GTF2A1L: variants seen among roughly 807,000 people sequenced by gnomAD.
GTF2A1L encodes the protein general transcription factor IIA subunit 1 like.
In GTF2A1L, 48 loss-of-function variants were observed where a neutral mutation model predicts 49.7. That is an observed-to-expected ratio of 0.97 (90% CI 0.77 to 1.23). GTF2A1L has a LOEUF of 1.23. GTF2A1L is among the 50% of genes most tolerant of loss of function. GTF2A1L has a pLI of 0.00. For synonymous variants in GTF2A1L, 246 were observed against 193.5 expected, an observed-to-expected ratio of 1.27 and a Z score of -2.25; for missense variants, 736 against 564.8, an observed-to-expected ratio of 1.30 and a Z score of -3.07.
intron 8 of GTF2A1L, among the ~76,000 whole-genome samples, chr2:48,678,359 A>G (rs1395917071): frequency 1.3e-5 from 2 of 151,942 alleles, no homozygotes; most frequent in South Asian, 4.1e-4. Context: ...TGGGAATAAA[A>G]CTCAGAAAAA....
intron 6 of GTF2A1L, among the ~76,000 whole-genome samples, chr2:48,660,643 T>TTTA (rs1678439144): frequency 6.6e-6 from 1 of 151,850 alleles, no homozygotes; most frequent in East Asian, 1.9e-4. Flanking sequence ...ATAATTTTAT[T>TTTA]TTATTATTAT....
intron 6 of GTF2A1L, among the ~76,000 whole-genome samples, chr2:48,651,389 CATT>C (rs1677837524): frequency 6.7e-6 from 1 of 149,844 alleles, no homozygotes; most frequent in Admixed American, 6.6e-5. Context: ...TGATTTTAAT[CATT>C]ATTTGTACAT....
At chr2:48,638,543 C>T (rs1036351732) in intron 3 of GTF2A1L, among the ~76,000 whole-genome samples, 22 of 152,114 alleles carry the variant, frequency 1.4e-4, no homozygotes, top group Non-Finnish European at 2.9e-4. Flanking sequence ...GTTAAAAACT[C>T]TCAAGAAACT....
chr2:48,663,403 T>G (rs1678632161), intron 6 of GTF2A1L, among the ~76,000 whole-genome samples: 1 of 152,136 alleles, frequency 6.6e-6, no homozygotes, highest in South Asian at 2.1e-4. Flanking sequence ...ACCACTGCAT[T>G]TAAGCCGGGG....
intron 3 of GTF2A1L, among the ~76,000 whole-genome samples, chr2:48,625,642 G>C (rs769618256): frequency 2.1e-5 from 3 of 142,600 alleles, no homozygotes; most frequent in African/African-American, 7.5e-5. Flanking sequence ...GAGTACAGTG[G>C]AGCAATCATA....
At chr2:48,660,799 C>T (rs975674418) in intron 6 of GTF2A1L, among the ~76,000 whole-genome samples, 22 of 152,036 alleles carry the variant, frequency 1.4e-4, no homozygotes, top group African/African-American at 5.3e-4. Flanking sequence ...CTCTACTATG[C>T]CCGGCTAATT....
intron 1 of GTF2A1L, among the ~76,000 whole-genome samples, chr2:48,620,026 G>A (rs1254784520): frequency 2.0e-5 from 3 of 152,186 alleles, no homozygotes; most frequent in Non-Finnish European, 4.4e-5. Flanking sequence ...TATTTTGGAA[G>A]TGAGATGAGC....
At chr2:48,678,765 T>G (rs1006775176) in intron 8 of GTF2A1L, among the ~76,000 whole-genome samples, 1 of 152,022 alleles carries the variant, frequency 6.6e-6, no homozygotes, top group Admixed American at 6.6e-5. Context: ...AAGTATCACT[T>G]TTTCATTTCT....
intron 8 of GTF2A1L, among the ~76,000 whole-genome samples, chr2:48,678,903 C>G (rs969966513): frequency 1.1e-4 from 17 of 152,098 alleles, no homozygotes; most frequent in African/African-American, 4.1e-4. Context: ...CTGGAATGCT[C>G]CTGAGTAAAT....
chr2:48,624,555 C>T (rs1460164922), intron 3 of GTF2A1L, among the ~76,000 whole-genome samples: 1 of 144,054 alleles, frequency 6.9e-6, no homozygotes, highest in African/African-American at 2.5e-5. Flanking sequence ...ATTTTAGGTA[C>T]TTTTAGTATG....
At chr2:48,647,064 C>G (rs773957332) in intron 6 of GTF2A1L, 22 bp downstream of exon 6, 4 of 1,551,820 alleles carry the variant, frequency 2.6e-6, no homozygotes, top group Non-Finnish European at 3.5e-6. Flanking sequence ...TGTCCAACTT[C>G]TTGGTATCAG....
intron 6 of GTF2A1L, among the ~76,000 whole-genome samples, chr2:48,656,565 C>T (rs936381774): frequency 2.6e-5 from 4 of 151,690 alleles, no homozygotes; most frequent in African/African-American, 9.7e-5. Context: ...TTGTTGTTGA[C>T]TTGTAGTTCT....
Position 48,642,407 on chromosome 2 carries a change from T to C in GTF2A1L, c.253T>C (p.Leu85=), listed in dbSNP as rs758704458. 1.3e-6 allele frequency: 2 copies of C among 1,590,794 alleles called. No homozygotes were observed. ...TTATTTTGTTTCCTATGCAGCATCA[T>C]TAGTTATTCCTGCTGGTAGAACTCT... ...HQTLQSSTAS[L]VIPAGRTLPS... The change falls in exon 4 of 9, where the codon TTA becomes CTA. Residue 85 remains leucine, a synonymous_variant. Transcript: ENST00000403751.
chr2:48,633,184 C>A, intron 3 of GTF2A1L: 1 of 218,954 alleles, frequency 4.6e-6, no homozygotes, highest in Non-Finnish European at 1.0e-5. Context: ...GTACCCTCAC[C>A]CTCAGGGCCT....
intron 6 of GTF2A1L, among the ~76,000 whole-genome samples, chr2:48,659,668 A>C (rs1007377517): frequency 6.6e-6 from 1 of 152,002 alleles, no homozygotes; most frequent in Non-Finnish European, 1.5e-5. Context: ...TGTTTTCAGC[A>C]TATACAAGTC....
chr2:48,619,469 C>CAAAA (rs34874672), intron 1 of GTF2A1L, among the ~76,000 whole-genome samples: 1 of 133,598 alleles, frequency 7.5e-6, no homozygotes, highest in Non-Finnish European at 1.6e-5. Context: ...GACTCCATCT[C>CAAAA]AAAAAAAAAA....
intron 1 of GTF2A1L, among the ~76,000 whole-genome samples, chr2:48,620,237 C>G (rs1440874915): frequency 6.6e-6 from 1 of 152,152 alleles, no homozygotes; most frequent in Non-Finnish European, 1.5e-5. Context: ...AATACTGACA[C>G]AAAAGGCAAG....
chr2:48,664,198 G>C (rs1307768251), intron 6 of GTF2A1L, among the ~76,000 whole-genome samples: 2 of 151,788 alleles, frequency 1.3e-5, no homozygotes, highest in African/African-American at 2.4e-5. Flanking sequence ...CAGAAATCTT[G>C]TTCCTGATTT....
intron 6 of GTF2A1L, among the ~76,000 whole-genome samples, chr2:48,657,945 C>T (rs1393643655): frequency 2.6e-5 from 4 of 151,840 alleles, no homozygotes; most frequent in Admixed American, 6.6e-5. Flanking sequence ...TACTTTTTAA[C>T]GTGGTCATTT....
Sources: gnomAD v4.1 joint callset for allele counts (sites outside exome capture counted in the v4.1 genomes callset) on GRCh38, gnomAD v4.1.1 for gene constraint, MANE v1.5 for transcripts, NCBI Gene and HGNC (gene_info 2026-07-23, HGNC 2026-07-21) for gene names.